MTREX: variants seen among roughly 807,000 people sequenced by gnomAD.
MTREX encodes exosome RNA helicase MTR4.
MTREX carries 76 observed loss-of-function variants against 135.4 expected under a neutral mutation model. The ratio of observed to expected loss-of-function variants is 0.56; its 90% confidence interval spans 0.47 to 0.68. The LOEUF is 0.68. Among genes scored for constraint, MTREX ranks in the 30% least tolerant of loss-of-function variants. The pLI, the probability that MTREX is intolerant of heterozygous loss-of-function variation, is 0.00. For synonymous variants in MTREX, 404 were observed against 401.6 expected, an observed-to-expected ratio of 1.01 and a Z score of -0.07; for missense variants, 920 against 1,262.1, an observed-to-expected ratio of 0.73 and a Z score of 4.11.
chr5:55,405,691 G>A, intron 22 of MTREX, 103 bp downstream of exon 22: 2 of 943,522 alleles, frequency 2.1e-6, no homozygotes, highest in Non-Finnish European at 3.2e-6. Flanking sequence ...TGCCCAGGCT[G>A]GAGTGCACTG....
intron 21 of MTREX, among the ~76,000 whole-genome samples, chr5:55,400,624 A>T (rs1002444840): frequency 6.6e-6 from 1 of 152,208 alleles, no homozygotes; most frequent in Non-Finnish European, 1.5e-5. Flanking sequence ...TTGATATTTC[A>T]CATAGGATGT....
intron 1 of MTREX, among the ~76,000 whole-genome samples, chr5:55,308,482 A>G (rs1463203505): frequency 1.3e-5 from 2 of 152,180 alleles, no homozygotes; most frequent in East Asian, 3.9e-4. Flanking sequence ...TTAGTTGAGT[A>G]AAAGGTGAAA....
At chr5:55,407,026 T>A (rs987511821) in intron 22 of MTREX, among the ~76,000 whole-genome samples, 2 of 152,232 alleles carry the variant, frequency 1.3e-5, no homozygotes, top group African/African-American at 4.8e-5. Context: ...TCTTGTTTTG[T>A]CCATATAGTG....
chr5:55,407,361 C>T (rs1750824024), intron 22 of MTREX, among the ~76,000 whole-genome samples: 1 of 152,142 alleles, frequency 6.6e-6, no homozygotes, highest in African/African-American at 2.4e-5. Context: ...ATCTAAACTG[C>T]AGTACTGGTC....
At chr5:55,368,208 G>A (rs1021489887) in intron 16 of MTREX, among the ~76,000 whole-genome samples, 1 of 152,084 alleles carries the variant, frequency 6.6e-6, no homozygotes, top group African/African-American at 2.4e-5. Flanking sequence ...CTAGCACTTT[G>A]CGAGGCCCAG....
At chr5:55,322,538 C>T in intron 2 of MTREX, 74 bp downstream of exon 2, 2 of 1,132,694 alleles carry the variant, frequency 1.8e-6, no homozygotes, top group African/African-American at 1.6e-5. Context: ...AAATTGTCTC[C>T]ATGTTGCTAC....
rs746697692 is a variant in MTREX at position 55,422,956 on chromosome 5, C to T, written c.3050C>T (p.Thr1017Ile). The change falls in exon 26 of 27, where the codon ACT becomes ATT. Residue 1017 changes from threonine (T) to isoleucine (I), a missense_variant. Physicochemically the swap from Thr to Ile is moderately conservative, Grantham distance 89. This residue lies in a region of MTREX where 467 missense variants were observed against 589.7 expected (regional missense o/e 0.79). Coordinates refer to ENST00000230640, the MANE Select transcript of MTREX (RefSeq NM_015360.5). ...MCQAAKAIGN[T>I]ELENKFAEGI... ...CAAGCAGCAAAAGCCATTGGAAACA[C>T]TGAGCTGGAAAATAAATTTGCAGAA... 28 of 1,613,844 alleles carry T rather than the reference C, an allele frequency of 1.7e-5. No individual in the cohort carries two copies. Among genetic ancestry groups the T allele is most frequent in the Non-Finnish European group, 2.4e-5 (28 of 1,179,902 alleles).
chr5:55,380,392 A>G (rs1182081812), intron 18 of MTREX, among the ~76,000 whole-genome samples: 2 of 152,154 alleles, frequency 1.3e-5, no homozygotes, highest in Non-Finnish European at 2.9e-5. Flanking sequence ...TCAAAAAGAA[A>G]CATATGTCAT....
intron 1 of MTREX, among the ~76,000 whole-genome samples, chr5:55,308,727 A>C (rs1749031962): frequency 1.3e-5 from 2 of 152,186 alleles, no homozygotes; most frequent in Admixed American, 1.3e-4. Flanking sequence ...ATTGAGAAAA[A>C]ATTTAAAAAT....
chr5:55,419,506 A>G (rs1157825781), intron 25 of MTREX, among the ~76,000 whole-genome samples: 1 of 152,116 alleles, frequency 6.6e-6, no homozygotes, highest in African/African-American at 2.4e-5. Context: ...ATCACCCTGG[A>G]AAAAAAATGA....
At chr5:55,332,982 A>T (rs900979400) in intron 5 of MTREX, among the ~76,000 whole-genome samples, 2 of 151,026 alleles carry the variant, frequency 1.3e-5, no homozygotes, top group Admixed American at 6.6e-5. Context: ...GTTTTTATTG[A>T]TTTTTTTCCC....
intron 15 of MTREX, among the ~76,000 whole-genome samples, chr5:55,363,943 A>T (rs180999564): frequency 1.3e-5 from 2 of 152,228 alleles, no homozygotes; most frequent in Admixed American, 6.5e-5. Context: ...ACATTCATGC[A>T]TAGAAAGCGA....
In MTREX at chr5:55,308,024, C is replaced by A; in HGVS notation, c.11C>A (p.Ala4Glu). 1.2e-6 allele frequency: 2 copies of A among 1,614,092 alleles called. No homozygotes were observed. The highest frequency in any genetic ancestry group is 1.7e-6 in the Non-Finnish European group (2 of 1,180,030). ...TCACTGCTCCCAAAAATGGCGGACGCATTCGGAGATGAGCTGTTCAGCGTG... is the reference window on the plus strand; with the variant it reads ...TCACTGCTCCCAAAAATGGCGGACGAATTCGGAGATGAGCTGTTCAGCGTG... MADAFGDELFSVFE... is the reference protein window; with the variant it reads MADEFGDELFSVFE... The change falls in exon 1 of 27, where the codon GCA becomes GAA. Residue 4 changes from alanine (A) to glutamate (E), a missense_variant. Physicochemically the swap from Ala to Glu is moderately radical, Grantham distance 107 (BLOSUM62 -1). Transcript: ENST00000230640.
chr5:55,354,652 T>C (rs1749881088), intron 14 of MTREX, among the ~76,000 whole-genome samples: 1 of 91,794 alleles, frequency 1.1e-5, no homozygotes, highest in South Asian at 4.5e-4. Flanking sequence ...CCAGAACTTC[T>C]TGGGTCAGGA....
Position 55,358,681 on chromosome 5 carries a change from G to A in MTREX, c.1642G>A (p.Gly548Arg). Residue 548 changes from glycine to arginine, a missense_variant, in exon 15 of 27, where the codon GGA becomes AGA. Around this residue, in one of 6 missense-constraint regions of MTREX, gnomAD observed 467 missense variants for 589.7 expected, o/e 0.79. Transcript: ENST00000230640. ...MVDEKMSPTI[G>R]KQLLKGSADP... ...AGATGAAAAGATGAGCCCAACAATTGGAAAACAATTACTTAAGGTAACTAC... is the reference window on the plus strand; with the variant it reads ...AGATGAAAAGATGAGCCCAACAATTAGAAAACAATTACTTAAGGTAACTAC... The A allele has an allele frequency of 6.3e-7, 1 of 1,595,388 alleles. No homozygotes were observed. The highest frequency in any genetic ancestry group is 8.5e-7 in the Non-Finnish European group (1 of 1,174,966).
At chr5:55,403,659 A>G (rs1229623221) in intron 21 of MTREX, among the ~76,000 whole-genome samples, 2 of 152,184 alleles carry the variant, frequency 1.3e-5, no homozygotes, top group Non-Finnish European at 2.9e-5. Flanking sequence ...AACCCTAAAA[A>G]ACAATGGTTT....
chr5:55,415,874 A>G, intron 24 of MTREX, 96 bp from the exon 25 acceptor site: 1 of 828,562 alleles, frequency 1.2e-6, no homozygotes, highest in Non-Finnish European at 1.8e-6. Flanking sequence ...ACCTAGGAAG[A>G]AAAAGGGACC....
intron 3 of MTREX, among the ~76,000 whole-genome samples, chr5:55,325,339 G>GT (rs531584340): frequency 0.25 from 31,141 of 125,870 alleles, 3,658 homozygotes; most frequent in Admixed American, 0.3. Flanking sequence ...GTTTTTTTTT[G>GT]TTTTTTTTTT....
At chr5:55,321,103 TG>T (rs1226465814) in intron 1 of MTREX, among the ~76,000 whole-genome samples, 2 of 152,360 alleles carry the variant, frequency 1.3e-5, no homozygotes, top group East Asian at 3.9e-4. Context: ...GTGGTTTGAC[TG>T]TTGCCATTTT....
Sources: gnomAD v4.1 joint callset for allele counts (sites outside exome capture counted in the v4.1 genomes callset) on GRCh38, gnomAD v4.1.1 for gene constraint, gnomAD v4.1.1 regional missense constraint, MANE v1.5 for transcripts, NCBI Gene and HGNC (gene_info 2026-07-23, HGNC 2026-07-21) for gene names.